The following AGO3 variants were observed in gnomAD, a reference collection of about 807,000 sequenced individuals.
AGO3 encodes the protein argonaute RISC catalytic component 3, also known as protein argonaute-3.
Under a neutral mutation model 105.5 loss-of-function variants are expected in AGO3, and 16 were observed. The observed-to-expected ratio is 0.15, with a 90% CI of 0.10 to 0.23. AGO3 has a LOEUF of 0.23. Among genes scored for constraint, AGO3 ranks in the 10% least tolerant of loss-of-function variants. The pLI, the probability that AGO3 is intolerant of heterozygous loss-of-function variation, is 1.00. For missense variants in AGO3, 534 were observed against 1,088.0 expected, an observed-to-expected ratio of 0.49 and a Z score of 7.16; for synonymous variants, 340 against 367.3, an observed-to-expected ratio of 0.93 and a Z score of 0.85.
chr1:35,987,300 C>G (rs1320259044), intron 5 of AGO3, among the ~76,000 whole-genome samples: 1 of 151,614 alleles, frequency 6.6e-6, no homozygotes, highest in South Asian at 2.1e-4. Context: ...TGCGCTCCAG[C>G]CTGGGCGACA....
At position 36,055,014 on chromosome 1, in the gene AGO3, G is replaced by A. The variant is rs79043007; in HGVS notation, c.2343G>A (p.Gln781=). 3.0e-3 allele frequency: 4,779 copies of A among 1,614,136 alleles called. 100 individuals are homozygous for A. The African/African-American group carries it at 0.055, about 19-fold the overall frequency. ...ACTGCTTTACTGCAGATGAACTTCA[G>A]CTGCTAACTTACCAGCTCTGCCACA... ...DDNCFTADEL[Q]LLTYQLCHTY... is the part of the protein sequence containing the mutation. Residue 781 remains glutamine, a synonymous_variant, in exon 18 of 19, where the codon CAG becomes CAA. Coordinates refer to ENST00000373191, the MANE Select transcript of AGO3 (RefSeq NM_024852.4). This position sits in a 1 kb window ranked among gnomAD's most constrained non-coding sequence, Gnocchi z 4.4.
At position 36,055,589 on chromosome 1, in the gene AGO3, A is replaced by G. The variant is rs368704683; in HGVS notation, c.2475-48A>G. On this transcript the variant is annotated intron_variant, in intron 18 of 18. Transcript: ENST00000373191. The surrounding 1 kb of genome is among the most constrained non-coding windows in gnomAD (Gnocchi z 4.4). Reference sequence around the variant, plus strand: ...AAATAGTATTTTTCGGAATTATTACATCAGAATAGAAAGTTTGTTTTTGTG... The same window carrying G: ...AAATAGTATTTTTCGGAATTATTACGTCAGAATAGAAAGTTTGTTTTTGTG... 6.5e-7 allele frequency: 1 copy of G among 1,542,476 alleles called. No individual in the cohort carries two copies. The highest frequency in any genetic ancestry group is 8.9e-7 in the Non-Finnish European group (1 of 1,118,396).
chr1:35,945,769 C>A lies in AGO3; in HGVS notation c.97C>A (p.Leu33Met). 2 of 1,613,664 alleles carry A rather than the reference C, an allele frequency of 1.2e-6. No individual in the cohort carries two copies. The highest frequency in any genetic ancestry group is 8.5e-7 in the Non-Finnish European group (1 of 1,180,026). ...YGTMGKPIKL[L>M]ANCFQVEIPK... ...CACCATGGGCAAACCCATTAAACTG[C>A]TGGCTAACTGTTTTCAAGTTGAAAT... The change falls in exon 2 of 19, where the codon CTG becomes ATG. Residue 33 changes from leucine (L) to methionine (M), a missense_variant. Physicochemically the swap from Leu to Met is conservative, Grantham distance 15 (BLOSUM62 2). Coordinates refer to ENST00000373191, the MANE Select transcript of AGO3 (RefSeq NM_024852.4).
intron 2 of AGO3, among the ~76,000 whole-genome samples, chr1:35,956,558 A>C (rs1297953772): frequency 6.6e-6 from 1 of 152,094 alleles, no homozygotes; most frequent in Non-Finnish European, 1.5e-5. Flanking sequence ...ACACACAGGG[A>C]TTGGAAAGAT....
rs1368378599 is a variant in AGO3, at chr1:36,058,529, G to A, written c.*2784G>A. 3 of 151,304 alleles carry A rather than the reference G, an allele frequency of 2.0e-5. No homozygotes were observed. The highest frequency in any genetic ancestry group is 2.9e-5 in the Non-Finnish European group (2 of 67,932). 9.4% of individuals were successfully genotyped at this position (151,304 alleles called of 1,614,324 possible). ...TAGCCTTTCAGAATTCCATCTGCAC[G>A]TGAAACCTAATGGATTTAGATCTTT... is the stretch of plus-strand genomic sequence containing the variant. On this transcript the variant is annotated 3_prime_UTR_variant, in exon 19 of 19. Coordinates refer to ENST00000373191, the MANE Select transcript of AGO3 (RefSeq NM_024852.4).
intron 2 of AGO3, among the ~76,000 whole-genome samples, chr1:35,953,772 A>C (rs1646516031): frequency 6.6e-6 from 1 of 152,108 alleles, no homozygotes; most frequent in Admixed American, 6.6e-5. Flanking sequence ...TCACCCTTCC[A>C]AAGTGCTGGG....
intron 1 of AGO3, among the ~76,000 whole-genome samples, chr1:35,940,097 C>T (rs1043646495): frequency 2.0e-5 from 3 of 151,336 alleles, no homozygotes; most frequent in Admixed American, 6.6e-5. Flanking sequence ...GATACAGTCT[C>T]ACTCTGTTGC....
At chr1:35,969,777 A>G (rs1646834185) in intron 3 of AGO3, among the ~76,000 whole-genome samples, 1 of 152,214 alleles carries the variant, frequency 6.6e-6, no homozygotes, top group Non-Finnish European at 1.5e-5. Flanking sequence ...ACCATATAAT[A>G]TGGTTTATTA....
chr1:35,936,537 G>A (rs921577165), intron 1 of AGO3, among the ~76,000 whole-genome samples: 2 of 152,136 alleles, frequency 1.3e-5, no homozygotes, highest in Non-Finnish European at 2.9e-5. Flanking sequence ...GGCCAGGCTG[G>A]TCTTGAACTC....
chr1:36,057,241 T>G lies in AGO3; in HGVS notation c.*1496T>G, dbSNP rs1167844777. 6.6e-6 allele frequency: 1 copy of G among 151,842 alleles called. No individual in the cohort carries two copies. The highest frequency in any genetic ancestry group is 1.5e-5 in the Non-Finnish European group (1 of 68,022). The allele number at this position is 151,842 out of a possible 1,614,324, so 9.4% of individuals were successfully genotyped here. A position where few individuals can be genotyped will look rare whatever the true frequency, so the allele number is the denominator to read the frequency against. On this transcript the variant is annotated 3_prime_UTR_variant, in exon 19 of 19. Transcript: ENST00000373191. Reference sequence around the variant, plus strand: ...TCTGTAGGGTTGAGACCTCTGAAATTGAGTAGAGAGAAGAGTTTGTTGAGG... The same window carrying G: ...TCTGTAGGGTTGAGACCTCTGAAATGGAGTAGAGAGAAGAGTTTGTTGAGG...
At chr1:35,943,731 G>A (rs1380835148) in intron 1 of AGO3, among the ~76,000 whole-genome samples, 1 of 151,372 alleles carries the variant, frequency 6.6e-6, no homozygotes, top group Non-Finnish European at 1.5e-5. Context: ...AGTCTTCTGA[G>A]TAGCTGGGAC....
At chr1:35,963,149 A>G (rs1237744393) in intron 2 of AGO3, among the ~76,000 whole-genome samples, 1 of 152,216 alleles carries the variant, frequency 6.6e-6, no homozygotes, top group Non-Finnish European at 1.5e-5. Context: ...GTAAGCAGAG[A>G]TTAATTCTCA....
At chr1:36,007,321 T>C (rs1270920248) in intron 6 of AGO3, among the ~76,000 whole-genome samples, 1 of 152,226 alleles carries the variant, frequency 6.6e-6, no homozygotes, top group Admixed American at 6.5e-5. Flanking sequence ...AAGGAGTTGC[T>C]TATCTGTGAC....
At chr1:36,054,707 C>T (rs1642857434) in intron 17 of AGO3, among the ~76,000 whole-genome samples, 1 of 152,042 alleles carries the variant, frequency 6.6e-6, no homozygotes, top group African/African-American at 2.4e-5. Flanking sequence ...ATGGCAAAAC[C>T]CTGTCCCTAC....
intron 5 of AGO3, among the ~76,000 whole-genome samples, chr1:36,000,750 AT>A (rs1264142581): frequency 6.6e-6 from 1 of 151,142 alleles, no homozygotes; most frequent in Non-Finnish European, 1.5e-5. Context: ...ATATTCCAAC[AT>A]TTTTCAGTAG....
intron 5 of AGO3, among the ~76,000 whole-genome samples, chr1:35,985,625 C>T (rs1647156768): frequency 6.6e-6 from 1 of 152,192 alleles, no homozygotes; most frequent in Non-Finnish European, 1.5e-5. Flanking sequence ...ATCCATCTTA[C>T]ATTAGACACA....
At chr1:35,965,919 G>A (rs1304100057) in intron 2 of AGO3, among the ~76,000 whole-genome samples, 1 of 149,194 alleles carries the variant, frequency 6.7e-6, no homozygotes, top group South Asian at 2.1e-4. Context: ...TCTGCCTTCT[G>A]GGTTCAAGCA....
intron 12 of AGO3, among the ~76,000 whole-genome samples, chr1:36,032,196 T>G (rs939486572): frequency 2.6e-5 from 4 of 152,178 alleles, no homozygotes; most frequent in Non-Finnish European, 5.9e-5. Flanking sequence ...TTCCAGTTTC[T>G]CCACATCCTT....
intron 2 of AGO3, among the ~76,000 whole-genome samples, chr1:35,953,527 A>ATTT (rs755046844): frequency 7.1e-6 from 1 of 140,900 alleles, no homozygotes; most frequent in African/African-American, 2.6e-5. Context: ...TCCTTTGCTA[A>ATTT]TTTTTTTTTT....
Sources: allele counts gnomAD v4.1 joint callset (sites outside exome capture counted in the v4.1 genomes callset), GRCh38; gene constraint gnomAD v4.1.1; non-coding constraint Gnocchi (gnomAD v3.1); transcripts MANE v1.5; gene names NCBI Gene and HGNC (gene_info 2026-07-23, HGNC 2026-07-21).